HIVEP3: variants seen among roughly 807,000 people sequenced by gnomAD.
HIVEP3 encodes the protein transcription factor HIVEP3.
In HIVEP3, 49 loss-of-function variants were observed where a neutral mutation model predicts 152.8. That is an observed-to-expected ratio of 0.32 (90% CI 0.26 to 0.41). HIVEP3 has a LOEUF of 0.41. Ranked by LOEUF, HIVEP3 falls within the 10% of genes least tolerant of loss-of-function variation. The pLI, the probability that HIVEP3 is intolerant of heterozygous loss-of-function variation, is 1.00. For synonymous variants in HIVEP3, 1,269 were observed against 1,289.0 expected (o/e 0.98, Z 0.33); for missense variants, 2,790 against 3,103.3 (o/e 0.90, Z 2.40).
chr1:41,988,062 T>C (rs1365998878), intron 1 of HIVEP3, among the ~76,000 whole-genome samples: 1 of 152,116 alleles, frequency 6.6e-6, no homozygotes, highest in African/African-American at 2.4e-5. Context: ...CAGACCCTTA[T>C]CTCATCCCAT....
intron 3 of HIVEP3, among the ~76,000 whole-genome samples, chr1:41,593,412 C>T (rs777153345): frequency 3.3e-5 from 5 of 152,158 alleles, no homozygotes; most frequent in Admixed American, 6.5e-5. Flanking sequence ...TGTACTCAAA[C>T]TCAGCCAGTC....
At chr1:41,851,152 G>GTA (rs2124382524) in intron 1 of HIVEP3, among the ~76,000 whole-genome samples, 1 of 152,230 alleles carries the variant, frequency 6.6e-6, no homozygotes, top group East Asian at 1.9e-4. Context: ...GAGAGGGCAG[G>GTA]AACTTTACCT....
Position 41,581,164 on chromosome 1 carries a change from G to C in HIVEP3, c.3634C>G (p.Pro1212Ala). The change falls in exon 4 of 9, where the codon CCA (proline) becomes GCA (alanine). Residue 1212 changes from proline to alanine, a missense_variant. This residue lies in a region of HIVEP3 where 1,078 missense variants were observed against 1,165.3 expected (regional missense o/e 0.93). Transcript: ENST00000372583. This position sits in a 1 kb window ranked among gnomAD's most constrained non-coding sequence, Gnocchi z 4.5. The part of the protein sequence containing the change: ...QLHLPQLMPH[P>A]ANIPFRQPPS... ...GGCTGCCTGAAGGGGATGTTGGCTG[G>C]GTGAGGCATGAGCTGGGGGAGATGG... is the stretch of plus-strand genomic sequence containing the variant. The C allele has an allele frequency of 2.6e-6, 4 of 1,549,586 alleles. No homozygotes were observed. The highest frequency in any genetic ancestry group is 3.5e-6 in the Non-Finnish European group (4 of 1,147,188).
chr1:41,748,558 G>T (rs1483423947), intron 1 of HIVEP3, among the ~76,000 whole-genome samples: 1 of 152,168 alleles, frequency 6.6e-6, no homozygotes, highest in Non-Finnish European at 1.5e-5. Flanking sequence ...CAACAATAAG[G>T]GCGGTTAACA....
At chr1:41,962,969 C>T (rs1220627525) in intron 1 of HIVEP3, among the ~76,000 whole-genome samples, 1 of 152,180 alleles carries the variant, frequency 6.6e-6, no homozygotes, top group African/African-American at 2.4e-5. Context: ...GCCAGTAACA[C>T]CTTCTCCTCA....
intron 2 of HIVEP3, among the ~76,000 whole-genome samples, chr1:41,660,109 G>A (rs886276850): frequency 4.6e-5 from 7 of 152,294 alleles, no homozygotes; most frequent in African/African-American, 1.7e-4. Flanking sequence ...AGTTGGAGTG[G>A]GCTGTGGGTG....
rs1256762820 is a variant in HIVEP3 at position 41,518,160 on chromosome 1, ATAGC to A, written c.5470+238_5470+241del. Among the ~76,000 whole-genome samples, 18 of 152,358 alleles carry A rather than the reference ATAGC, an allele frequency of 1.2e-4. No homozygotes were observed. The East Asian group carries it at 3.1e-3, about 26-fold the overall frequency. On this transcript the variant is annotated intron_variant, in intron 7 of 8. Coordinates refer to ENST00000372583, the MANE Select transcript of HIVEP3 (RefSeq NM_024503.5). ...CCTGCATGGCAGATGGTAATGCATG[ATAGC>A]TAGGGCTGCAGAGCATATCCTATCA...
intron 1 of HIVEP3, among the ~76,000 whole-genome samples, chr1:41,857,677 G>A (rs908867026): frequency 2.0e-5 from 3 of 152,200 alleles, no homozygotes; most frequent in Middle Eastern, 6.8e-3. Context: ...TGCCTATGAG[G>A]TATGCATCCT....
At chr1:41,878,363 T>C (rs1414923800) in intron 1 of HIVEP3, among the ~76,000 whole-genome samples, 1 of 152,130 alleles carries the variant, frequency 6.6e-6, no homozygotes, top group Non-Finnish European at 1.5e-5. Context: ...TCCAAAAGGA[T>C]ATGAGGGTCC....
At chr1:41,847,269 G>T (rs1643469325) in intron 1 of HIVEP3, 1 of 152,228 alleles carries the variant, frequency 6.6e-6, no homozygotes, top group Non-Finnish European at 1.5e-5. Context: ...AACCATAAGA[G>T]ATGAGGTAAA....
At chr1:41,753,706 T>TAAATAAAA (rs371969654) in intron 1 of HIVEP3, among the ~76,000 whole-genome samples, 5,689 of 149,318 alleles carry the variant, frequency 0.038, 140 homozygotes, top group Middle Eastern at 0.054. Context: ...AATAAATAAA[T>TAAATAAAA]AAAAATAGAA....
intron 1 of HIVEP3, among the ~76,000 whole-genome samples, chr1:42,000,030 G>A (rs1645418086): frequency 6.6e-6 from 1 of 152,120 alleles, no homozygotes. Flanking sequence ...CAAAACAAGT[G>A]GGAATTCATT....
chr1:41,968,987 G>A (rs926154162), intron 1 of HIVEP3, among the ~76,000 whole-genome samples: 1 of 152,090 alleles, frequency 6.6e-6, no homozygotes, highest in Non-Finnish European at 1.5e-5. Context: ...AAATATGTAG[G>A]ATTGCAGCTA....
At chr1:41,822,517 T>C (rs1642637458) in intron 1 of HIVEP3, among the ~76,000 whole-genome samples, 1 of 152,194 alleles carries the variant, frequency 6.6e-6, no homozygotes, top group Admixed American at 6.5e-5. Context: ...CTTAGAATTT[T>C]TTTCCCATCC....
intron 1 of HIVEP3, among the ~76,000 whole-genome samples, chr1:41,881,232 T>C (rs1213663922): frequency 6.6e-6 from 1 of 152,232 alleles, no homozygotes; most frequent in East Asian, 1.9e-4. Flanking sequence ...TGAATACTTT[T>C]GTGCTGACTG....
At chr1:41,786,494 C>T (rs1411450230) in intron 1 of HIVEP3, among the ~76,000 whole-genome samples, 5 of 152,188 alleles carry the variant, frequency 3.3e-5, no homozygotes, top group Admixed American at 6.5e-5. Context: ...AAACTACAGC[C>T]CACAAGCCAA....
intron 1 of HIVEP3, among the ~76,000 whole-genome samples, chr1:41,781,688 T>G (rs945556094): frequency 5.9e-5 from 9 of 152,250 alleles, no homozygotes; most frequent in African/African-American, 2.2e-4. Context: ...GTGTTCTGGC[T>G]CTTAATGATG....
chr1:41,872,632 T>C (rs1242545790), intron 1 of HIVEP3, among the ~76,000 whole-genome samples: 2 of 152,250 alleles, frequency 1.3e-5, no homozygotes, highest in East Asian at 1.9e-4. Context: ...TAGGATTTCA[T>C]GTAAATGGAA....
intron 2 of HIVEP3, among the ~76,000 whole-genome samples, chr1:41,644,881 C>G (rs1346097837): frequency 6.6e-6 from 1 of 152,032 alleles, no homozygotes; most frequent in Non-Finnish European, 1.5e-5. Flanking sequence ...GGCCTAGGAG[C>G]TGGCCTCACC....
Sources: allele counts gnomAD v4.1 joint callset (sites outside exome capture counted in the v4.1 genomes callset), GRCh38; gene constraint gnomAD v4.1.1; regional missense constraint gnomAD v4.1.1; non-coding constraint Gnocchi (gnomAD v3.1); transcripts MANE v1.5; gene names NCBI Gene and HGNC (gene_info 2026-07-23, HGNC 2026-07-21).